Variants in ANKFN1 observed in about 807,000 individuals in gnomAD.
ANKFN1 encodes the protein ankyrin repeat and fibronectin type III domain containing 1.
ANKFN1 carries 74 observed loss-of-function variants against 108.7 expected under a neutral mutation model. The ratio of observed to expected loss-of-function variants is 0.68; its 90% CI spans 0.56 to 0.83. The LOEUF (loss-of-function observed/expected upper bound fraction) is 0.83. Among genes scored for constraint, ANKFN1 ranks in the 40% least tolerant of loss-of-function variants. ANKFN1 has a pLI of 0.00. For missense variants in ANKFN1, 1,505 were observed against 1,382.3 expected (o/e 1.09, Z -1.41); for synonymous variants, 547 against 516.2 (o/e 1.06, Z -0.81).
chr17:56,354,019 A>G lies in ANKFN1; in HGVS notation c.574A>G (p.Arg192Gly). 1.2e-6 allele frequency: 2 copies of G among 1,613,958 alleles called. No individual in the cohort carries two copies. The highest frequency in any genetic ancestry group is 1.7e-6 in the Non-Finnish European group (2 of 1,179,948). ...NNVPIARILL[R>G]TGARESPHFV... is the part of the protein sequence containing the mutation. ...TGTGCCCATTGCAAGGATTCTTCTG[A>G]GGACAGGGGCCCGAGAAAGTCCACA... Residue 192 changes from arginine to glycine, a missense_variant, in exon 6 of 21, where the codon AGG (arginine) becomes GGG (glycine). Physicochemically the swap from Arg to Gly is moderately radical, Grantham distance 125. Coordinates refer to ENST00000682825, the MANE Select transcript of ANKFN1 (RefSeq NM_001370326.1).
chr17:56,178,027 C>T (rs1481113769), intron 1 of ANKFN1, among the ~76,000 whole-genome samples: 1 of 152,132 alleles, frequency 6.6e-6, no homozygotes, highest in Non-Finnish European at 1.5e-5. Flanking sequence ...ATTAATGTAA[C>T]CAGCCCTTAA....
chr17:56,426,431 T>C (rs1226838928), intron 8 of ANKFN1, among the ~76,000 whole-genome samples: 1 of 152,242 alleles, frequency 6.6e-6, no homozygotes, highest in Non-Finnish European at 1.5e-5. Context: ...GCTGCTGTCA[T>C]GGACCAAAGT....
At chr17:56,442,547 CA>C (rs1462770894) in intron 9 of ANKFN1, among the ~76,000 whole-genome samples, 1 of 152,094 alleles carries the variant, frequency 6.6e-6, no homozygotes, top group African/African-American at 2.4e-5. Context: ...TATATAGTTT[CA>C]GGGGGCTCAG....
At chr17:56,154,030 G>T (rs999899605) in intron 1 of ANKFN1, among the ~76,000 whole-genome samples, 6 of 146,906 alleles carry the variant, frequency 4.1e-5, no homozygotes, top group African/African-American at 1.2e-4. Context: ...GTTGGAAGTG[G>T]ATTTTTTTTT....
At chr17:56,317,626 G>A (rs2144487760) in intron 3 of ANKFN1, among the ~76,000 whole-genome samples, 1 of 152,256 alleles carries the variant, frequency 6.6e-6, no homozygotes, top group East Asian at 1.9e-4. Flanking sequence ...GCTTGCTGTT[G>A]TTATTTTTAT....
At chr17:56,503,559 G>GAT (rs1163100861) in intron 20 of ANKFN1, among the ~76,000 whole-genome samples, 5 of 131,520 alleles carry the variant, frequency 3.8e-5, no homozygotes, top group Admixed American at 3.1e-4. Context: ...TGTGAAGATA[G>GAT]ATTTTTGGGC....
At position 56,353,172 on chromosome 17, in the gene ANKFN1, G is replaced by A. The variant is rs190378982; in HGVS notation, c.391-664G>A. Reference sequence around the variant, plus strand: ...ACAGGGAAGTAATGGGGTACACTTGGTTTAATCTAATGTTTATCAAATTGA... The same window carrying A: ...ACAGGGAAGTAATGGGGTACACTTGATTTAATCTAATGTTTATCAAATTGA... On this transcript the variant is annotated intron_variant, in intron 5 of 20. Transcript: ENST00000682825. Among the ~76,000 whole-genome samples the A allele has an allele frequency of 1.5e-4, 23 of 152,008 alleles. No individual in the cohort carries two copies. The Middle Eastern group carries it at 0.01, about 67-fold the overall frequency.
intron 15 of ANKFN1, among the ~76,000 whole-genome samples, chr17:56,476,868 C>T (rs1447008090): frequency 6.6e-6 from 1 of 152,124 alleles, no homozygotes; most frequent in East Asian, 1.9e-4. Context: ...CAAAAAATAA[C>T]CAGTGCTTGA....
chr17:56,459,506 C>T (rs2049831846), intron 14 of ANKFN1, among the ~76,000 whole-genome samples: 1 of 152,160 alleles, frequency 6.6e-6, no homozygotes, highest in Non-Finnish European at 1.5e-5. Context: ...AGTGCCTCGT[C>T]CTTTCATCAC....
intron 14 of ANKFN1, among the ~76,000 whole-genome samples, chr17:56,461,633 T>C (rs1475171216): frequency 6.6e-6 from 1 of 152,220 alleles, no homozygotes; most frequent in African/African-American, 2.4e-5. Context: ...GCACCTTGTA[T>C]TCTTCATTCA....
In ANKFN1 at chr17:56,470,187, A is replaced by G. The variant is rs576404674; in HGVS notation, c.1773+3616A>G. Among the ~76,000 whole-genome samples the G allele has an allele frequency of 3.7e-4, 57 of 152,256 alleles. No homozygotes were observed. The South Asian group carries it at 0.011, about 29-fold the overall frequency. ...CCACATTTTCTTTATCCAGTCTATCATTGATGGGCATTTGAGTTGATTCCA... is the reference window on the plus strand; with the variant it reads ...CCACATTTTCTTTATCCAGTCTATCGTTGATGGGCATTTGAGTTGATTCCA... On this transcript the variant is annotated intron_variant, in intron 15 of 20. Transcript: ENST00000682825.
At position 56,516,453 on chromosome 17, in the gene ANKFN1, T is replaced by C. The variant is rs1428271020; in HGVS notation, c.*5184T>C. On this transcript the variant is annotated 3_prime_UTR_variant, in exon 21 of 21. Transcript: ENST00000682825. The stretch of plus-strand genomic sequence containing the variant: ...TCTTATTGCTATGTATGCAACTGAG[T>C]GTATGTTAAAGTTTAGACTTCAGTA... Among the ~76,000 whole-genome samples, 3 of 152,212 alleles carry C rather than the reference T, an allele frequency of 2.0e-5. No individual in the cohort carries two copies. Among genetic ancestry groups the C allele is most frequent in the African/African-American group, 7.2e-5 (3 of 41,450 alleles).
intron 6 of ANKFN1, chr17:56,368,328 G>A (rs1221034589): frequency 1.7e-5 from 5 of 296,656 alleles, no homozygotes; most frequent in Non-Finnish European, 2.0e-5. Flanking sequence ...CTCCCAGGCT[G>A]GAGTGCAGTG....
chr17:56,430,500 C>CCACACACACACACACACA (rs60148599), intron 8 of ANKFN1, among the ~76,000 whole-genome samples: 5 of 144,074 alleles, frequency 3.5e-5, no homozygotes, highest in Admixed American at 2.8e-4. Context: ...GATGCTTTTA[C>CCACACACACACACACACA]CACACACACA....
At chr17:56,229,688 A>AGG (rs1413010633) in intron 3 of ANKFN1, among the ~76,000 whole-genome samples, 58 of 131,404 alleles carry the variant, frequency 4.4e-4, no homozygotes, top group African/African-American at 1.6e-3. Context: ...AAAAAAAAAA[A>AGG]GGGGGGTTGG....
intron 4 of ANKFN1, among the ~76,000 whole-genome samples, chr17:56,326,712 A>G (rs975189631): frequency 6.6e-6 from 1 of 152,246 alleles, no homozygotes; most frequent in Non-Finnish European, 1.5e-5. Flanking sequence ...TTTTCCAGTC[A>G]GGTTCCTGAG....
chr17:56,125,665 G>T (rs2143317591), intron 4 of ANKFN1, among the ~76,000 whole-genome samples: 1 of 152,346 alleles, frequency 6.6e-6, no homozygotes, highest in African/African-American at 2.4e-5. Flanking sequence ...AAGGCACAGA[G>T]AGGCCAGTTC....
chr17:56,070,263 C>T (rs1339259128), intron 4 of ANKFN1, among the ~76,000 whole-genome samples: 1 of 152,170 alleles, frequency 6.6e-6, no homozygotes, highest in African/African-American at 2.4e-5. Context: ...GACTGCCCTT[C>T]CTCTAGGGGA....
At position 56,514,687 on chromosome 17, in the gene ANKFN1, TG is replaced by T. The variant is rs2051864563; in HGVS notation, c.*3419del. On this transcript the variant is annotated 3_prime_UTR_variant, in exon 21 of 21. Transcript: ENST00000682825. Reference sequence around the variant, plus strand: ...GAAGCAATAATTACACTGGAGAAATTGTTTCATTTGGTTTGAAAATTGAAGC... The same window carrying T: ...GAAGCAATAATTACACTGGAGAAATTTTTCATTTGGTTTGAAAATTGAAGC... Among the ~76,000 whole-genome samples, 1 of 152,176 alleles carries T rather than the reference TG, an allele frequency of 6.6e-6. No homozygotes were observed. The highest frequency in any genetic ancestry group is 2.4e-5 in the African/African-American group (1 of 41,446).
Sources: allele counts gnomAD v4.1 joint callset (sites outside exome capture counted in the v4.1 genomes callset), GRCh38; gene constraint gnomAD v4.1.1; transcripts MANE v1.5; gene names NCBI Gene and HGNC (gene_info 2026-07-23, HGNC 2026-07-21).